The following DNAH7 variants were observed in gnomAD, a reference collection of about 807,000 sequenced individuals.
The protein encoded by DNAH7 is dynein axonemal heavy chain 7, also known as axonemal beta dynein heavy chain 7.
In DNAH7, 397 loss-of-function variants were observed where a neutral mutation model predicts 444.6. The observed-to-expected ratio is 0.89, with a 90% CI of 0.82 to 0.97. DNAH7 has a LOEUF of 0.97. DNAH7 is among the 50% of genes least tolerant of loss of function. DNAH7 has a pLI of 0.00. For missense variants in DNAH7, 4,902 were observed against 4,800.8 expected (o/e 1.02, Z -0.62); for synonymous variants, 1,636 against 1,624.4 (o/e 1.01, Z -0.17).
In DNAH7 at chr2:195,794,359, G is replaced by A. The variant is rs747926394; in HGVS notation, c.10695C>T (p.Phe3565=). The change falls in exon 57 of 65, where the codon TTC becomes TTT. Residue 3565 remains phenylalanine, a synonymous_variant. Coordinates refer to ENST00000312428, the MANE Select transcript of DNAH7 (RefSeq NM_018897.3). ...YLMDPISDPE[F]FGSCKKPEEF... is the part of the protein sequence containing the mutation. ...TAACAGGCTTTTTGCAGCTGCCAAAGAACTCCGGATCAGAGATCGGGTCCA... is the reference window on the plus strand; with the variant it reads ...TAACAGGCTTTTTGCAGCTGCCAAAAAACTCCGGATCAGAGATCGGGTCCA... 2 of 1,614,112 alleles carry A rather than the reference G, an allele frequency of 1.2e-6. No individual in the cohort carries two copies.
At chr2:195,918,719 T>A (rs1277830442) in intron 24 of DNAH7, among the ~76,000 whole-genome samples, 1 of 152,152 alleles carries the variant, frequency 6.6e-6, no homozygotes, top group Non-Finnish European at 1.5e-5. Context: ...ACAAAAATGG[T>A]CAGTGGTCGA....
chr2:195,998,438 G>A (rs1208902156), intron 12 of DNAH7, among the ~76,000 whole-genome samples: 2 of 151,976 alleles, frequency 1.3e-5, no homozygotes, highest in African/African-American at 4.8e-5. Flanking sequence ...GCCACGCATG[G>A]TGGCGGGTGC....
chr2:195,820,452 TAAAGTA>T (rs1008345019), intron 49 of DNAH7, among the ~76,000 whole-genome samples: 123 of 150,066 alleles, frequency 8.2e-4, no homozygotes, highest in Non-Finnish European at 1.2e-4. Flanking sequence ...TCCCAGAACT[TAAAGTA>T]AAATTAAAAA....
At chr2:195,888,660 G>A (rs771137983) in intron 32 of DNAH7, 139 bp downstream of exon 32, 348 of 993,792 alleles carry the variant, frequency 3.5e-4, no homozygotes, top group Non-Finnish European at 4.8e-4. Context: ...AACAGATAAC[G>A]TCTGTACTTT....
In DNAH7 at chr2:195,932,524, C is replaced by G. The variant is rs568336233; in HGVS notation, c.3471+2067G>C. 3.3e-5 allele frequency among the ~76,000 whole-genome samples: 5 copies of G among 152,130 alleles called. No individual in the cohort carries two copies. The South Asian group carries it at 1.0e-3, about 32-fold the overall frequency. Reference sequence around the variant, plus strand: ...TCAAAGGGAATGCTTCTAGTTTTTGCCCATTCAGTATGATACTGGCTGTGG... The same window carrying G: ...TCAAAGGGAATGCTTCTAGTTTTTGGCCATTCAGTATGATACTGGCTGTGG... On this transcript the variant is annotated intron_variant, in intron 21 of 64. Transcript: ENST00000312428.
At chr2:196,042,142 G>C (rs1454220728) in intron 5 of DNAH7, among the ~76,000 whole-genome samples, 9 of 151,946 alleles carry the variant, frequency 5.9e-5, no homozygotes, top group Admixed American at 5.9e-4. Context: ...AGCCAATATA[G>C]GAAACAGTAT....
At chr2:195,986,391 AATG>A (rs2125629623) in intron 14 of DNAH7, among the ~76,000 whole-genome samples, 1 of 152,298 alleles carries the variant, frequency 6.6e-6, no homozygotes, top group East Asian at 1.9e-4. Context: ...AAATATTTTT[AATG>A]ATCTGTTTTT....
intron 17 of DNAH7, among the ~76,000 whole-genome samples, chr2:195,963,122 A>G (rs993732372): frequency 1.3e-5 from 2 of 152,190 alleles, no homozygotes; most frequent in Non-Finnish European, 2.9e-5. Flanking sequence ...TCTTTCGGGT[A>G]TATACCAGCA....
At chr2:196,054,590 C>CA (rs1237404900) in intron 2 of DNAH7, among the ~76,000 whole-genome samples, 1 of 152,134 alleles carries the variant, frequency 6.6e-6, no homozygotes, top group South Asian at 2.1e-4. Context: ...CCTAACCCCT[C>CA]ACCCCACCCC....
intron 1 of DNAH7, among the ~76,000 whole-genome samples, chr2:196,068,019 T>C (rs567298314): frequency 6.6e-6 from 1 of 151,398 alleles, no homozygotes; most frequent in East Asian, 1.9e-4. Flanking sequence ...AAAGAATTCT[T>C]AGAAGAAAAA....
At chr2:195,884,562 A>G in intron 35 of DNAH7, 23 bp downstream of exon 35, 1 of 1,593,912 alleles carries the variant, frequency 6.3e-7, no homozygotes, top group Non-Finnish European at 8.6e-7. Context: ...TGGCAGCTGC[A>G]AATCTTGCTT....
intron 51 of DNAH7, among the ~76,000 whole-genome samples, chr2:195,811,623 T>C (rs963748223): frequency 6.6e-6 from 1 of 152,152 alleles, no homozygotes; most frequent in Non-Finnish European, 1.5e-5. Context: ...AGTGCTGGGA[T>C]TACAGGTGTA....
intron 35 of DNAH7, 120 bp from the exon 36 acceptor site, chr2:195,882,112 A>G: frequency 1.3e-6 from 1 of 757,314 alleles, no homozygotes; most frequent in Non-Finnish European, 2.1e-6. Flanking sequence ...CATTTGTTTT[A>G]TCCTTTAAGA....
Position 195,876,730 on chromosome 2 carries a change from G to C in DNAH7, c.5962-31C>G, listed in dbSNP as rs751508569. 2.5e-5 allele frequency: 36 copies of C among 1,449,492 alleles called. 1 individual carries two copies. The Middle Eastern group carries it at 5.5e-4, about 22-fold the overall frequency. 89.8% of individuals were successfully genotyped at this position (1,449,492 alleles called of 1,614,324 possible). A position where few individuals can be genotyped will look rare whatever the true frequency, so the allele number is the denominator to read the frequency against. ...TAACAAAATAATAAAATGAGCCATA[G>C]TTGGAATTATGTTTTGACATTTCAG... On this transcript the variant is annotated intron_variant, in intron 36 of 64. Transcript: ENST00000312428.
chr2:195,893,904 TG>T (rs1280766797), intron 30 of DNAH7: 1 of 151,810 alleles, frequency 6.6e-6, no homozygotes, highest in East Asian at 1.9e-4. Context: ...ATTTTATATA[TG>T]TATATATATA....
chr2:195,760,089 G>A lies in DNAH7; in HGVS notation c.11434-3804C>T, dbSNP rs775626834. ...ACCACAAGGTGGCTAAAGACCCCTT[G>A]GGCCTTGAGTAAGATCAGCAGTAGC... On this transcript the variant is annotated intron_variant, in intron 61 of 64. Coordinates refer to ENST00000312428, the MANE Select transcript of DNAH7 (RefSeq NM_018897.3). 7.0e-4 allele frequency among the ~76,000 whole-genome samples: 106 copies of A among 152,176 alleles called. 1 individual carries two copies. The highest frequency in any genetic ancestry group is 1.3e-3 in the Non-Finnish European group (88 of 68,034).
At chr2:195,866,047 A>G (rs1181063305) in intron 40 of DNAH7, among the ~76,000 whole-genome samples, 1 of 152,196 alleles carries the variant, frequency 6.6e-6, no homozygotes, top group East Asian at 1.9e-4. Context: ...TAATACATAT[A>G]TGCTATAAAT....
intron 61 of DNAH7, among the ~76,000 whole-genome samples, chr2:195,768,041 T>C (rs1694667086): frequency 1.3e-5 from 2 of 151,572 alleles, no homozygotes; most frequent in Admixed American, 6.6e-5. Flanking sequence ...GATAACTGTA[T>C]TGTGATATTG....
intron 19 of DNAH7, among the ~76,000 whole-genome samples, chr2:195,945,931 T>C (rs1325279494): frequency 2.6e-5 from 4 of 152,196 alleles, no homozygotes; most frequent in African/African-American, 9.6e-5. Flanking sequence ...GGTAATTAAC[T>C]AGTTCCCATT....
Sources: allele counts gnomAD v4.1 joint callset (sites outside exome capture counted in the v4.1 genomes callset), GRCh38; gene constraint gnomAD v4.1.1; transcripts MANE v1.5; gene names NCBI Gene and HGNC (gene_info 2026-07-23, HGNC 2026-07-21).